Variants in LRRK2 observed in about 807,000 individuals in gnomAD.
LRRK2 encodes leucine rich repeat kinase 2, also known as leucine-rich repeat serine/threonine-protein kinase 2.
Under a neutral mutation model 302.6 loss-of-function variants are expected in LRRK2, and 203 were observed. The ratio of observed to expected loss-of-function variants is 0.67; its 90% CI spans 0.60 to 0.75. The LOEUF is 0.75. Among genes scored for constraint, LRRK2 ranks in the 30% least tolerant of loss-of-function variants. The pLI, the probability that LRRK2 is intolerant of heterozygous loss-of-function variation, is 0.00. For synonymous variants in LRRK2, 1,066 were observed against 1,031.9 expected (o/e 1.03, Z -0.63); for missense variants, 2,830 against 2,951.0 (o/e 0.96, Z 0.95).
chr12:40,281,774 C>T (rs2136645080), intron 18 of LRRK2, among the ~76,000 whole-genome samples: 1 of 152,258 alleles, frequency 6.6e-6, no homozygotes, highest in Admixed American at 6.5e-5. Flanking sequence ...TTGGATCCTC[C>T]AAGGAAAATT....
At chr12:40,272,519 G>A (rs1943274913) in intron 14 of LRRK2, among the ~76,000 whole-genome samples, 1 of 152,102 alleles carries the variant, frequency 6.6e-6, no homozygotes, top group Non-Finnish European at 1.5e-5. Context: ...AGAATGTCTG[G>A]CACTGAGTGA....
At chr12:40,294,772 G>A (rs1244278481) in intron 21 of LRRK2, 73 bp from the exon 22 acceptor site, 1 of 863,876 alleles carries the variant, frequency 1.2e-6, no homozygotes, top group Admixed American at 2.1e-5. Context: ...AAAATTTCAT[G>A]GTTCCTTCCT....
At chr12:40,265,449 GT>G (rs1431282522) in intron 14 of LRRK2, among the ~76,000 whole-genome samples, 2 of 152,144 alleles carry the variant, frequency 1.3e-5, no homozygotes, top group African/African-American at 4.8e-5. Context: ...AGAATTCAGG[GT>G]GGGCTTACTA....
intron 33 of LRRK2, chr12:40,316,250 G>A (rs1945215360): frequency 6.2e-6 from 5 of 804,770 alleles, no homozygotes; most frequent in Non-Finnish European, 7.5e-6. Context: ...AGGCAGCCTT[G>A]AATAATTGTT....
intron 42 of LRRK2, among the ~76,000 whole-genome samples, chr12:40,347,330 C>T (rs193294826): frequency 2.0e-5 from 3 of 152,230 alleles, no homozygotes; most frequent in African/African-American, 7.2e-5. Context: ...TCATAAGAAT[C>T]GGTAAATGTG....
Position 40,323,341 on chromosome 12 carries a change from G to C in LRRK2, c.5656+35G>C, listed in dbSNP as rs17484342. ...TTTGTTAATTTGAGAATAAAAATTAGGATGTAATTTTCTCCTTATAATTTA... is the reference window on the plus strand; with the variant it reads ...TTTGTTAATTTGAGAATAAAAATTACGATGTAATTTTCTCCTTATAATTTA... On this transcript the variant is annotated intron_variant, in intron 38 of 50. Coordinates refer to ENST00000298910, the MANE Select transcript of LRRK2 (RefSeq NM_198578.4). 1.9e-6 allele frequency: 3 copies of C among 1,556,752 alleles called. No homozygotes were observed. In the East Asian group the frequency reaches 6.8e-5, roughly 35 times the overall value.
intron 13 of LRRK2, among the ~76,000 whole-genome samples, chr12:40,261,859 T>C (rs1255583133): frequency 1.3e-5 from 2 of 152,184 alleles, no homozygotes; most frequent in African/African-American, 4.8e-5. Flanking sequence ...ATATTGCATC[T>C]AGTGCATATA....
chr12:40,277,000 G>A (rs1469417317), intron 16 of LRRK2, among the ~76,000 whole-genome samples: 2 of 151,844 alleles, frequency 1.3e-5, no homozygotes, highest in African/African-American at 4.8e-5. Context: ...GTGCATGCAC[G>A]GGTAATTTTA....
Position 40,341,091 on chromosome 12 carries a change from G to A in LRRK2, c.6109+637G>A, listed in dbSNP as rs1402181272. 2.0e-5 allele frequency among the ~76,000 whole-genome samples: 3 copies of A among 152,284 alleles called. No individual in the cohort carries two copies. In the South Asian group the frequency reaches 6.2e-4, roughly 32 times the overall value. ...CCTCCCTTTCTTAGTTCCCAATCCTGAAAAGCAGTTATGGGGCCAGTGCTC... is the reference window on the plus strand; with the variant it reads ...CCTCCCTTTCTTAGTTCCCAATCCTAAAAAGCAGTTATGGGGCCAGTGCTC... On this transcript the variant is annotated intron_variant, in intron 41 of 50. Coordinates refer to ENST00000298910, the MANE Select transcript of LRRK2 (RefSeq NM_198578.4).
chr12:40,304,438 A>C (rs1047378579), intron 27 of LRRK2: 3 of 368,628 alleles, frequency 8.1e-6, no homozygotes, highest in Non-Finnish European at 1.5e-5. Context: ...TGCTATACTT[A>C]TCAGAACCTT....
chr12:40,226,827 C>T (rs1209078958), intron 2 of LRRK2, among the ~76,000 whole-genome samples: 1 of 152,128 alleles, frequency 6.6e-6, no homozygotes, highest in Non-Finnish European at 1.5e-5. Flanking sequence ...GCTCTGCACC[C>T]ACGTCATCCC....
At chr12:40,249,168 C>T (rs949293457) in intron 7 of LRRK2, among the ~76,000 whole-genome samples, 2 of 151,932 alleles carry the variant, frequency 1.3e-5, no homozygotes, top group African/African-American at 4.8e-5. Flanking sequence ...ACAAATAAGC[C>T]AAATAGAAGA....
intron 16 of LRRK2, among the ~76,000 whole-genome samples, chr12:40,275,612 ATTT>A (rs754582238): frequency 7.0e-6 from 1 of 142,030 alleles, no homozygotes; most frequent in African/African-American, 2.6e-5. Flanking sequence ...CTACAAAGGA[ATTT>A]TTTTTTTTTT....
chr12:40,283,153 G>A (rs990751721), intron 18 of LRRK2, among the ~76,000 whole-genome samples: 5 of 152,068 alleles, frequency 3.3e-5, no homozygotes, highest in Non-Finnish European at 5.9e-5. Flanking sequence ...CCTTGCTAGC[G>A]TCTAGCTCCT....
chr12:40,264,503 C>T (rs1379048343), intron 14 of LRRK2, among the ~76,000 whole-genome samples: 1 of 152,184 alleles, frequency 6.6e-6, no homozygotes, highest in Non-Finnish European at 1.5e-5. Flanking sequence ...CCTGTAATCC[C>T]AGCTACTCAG....
chr12:40,225,714 A>G, intron 2 of LRRK2, 74 bp downstream of exon 2: 7 of 1,336,752 alleles, frequency 5.2e-6, no homozygotes, highest in Non-Finnish European at 7.4e-6. Flanking sequence ...CAATGTTAAT[A>G]TAGCCGAGAG....
intron 44 of LRRK2, among the ~76,000 whole-genome samples, chr12:40,352,885 T>G (rs936655023): frequency 3.3e-5 from 5 of 152,332 alleles, no homozygotes; most frequent in African/African-American, 1.2e-4. Context: ...AGCAACAATC[T>G]GATTTCTGTA....
intron 31 of LRRK2, among the ~76,000 whole-genome samples, chr12:40,311,062 CT>C (rs1344285932): frequency 6.6e-6 from 1 of 151,964 alleles, no homozygotes; most frequent in African/African-American, 2.4e-5. Context: ...TTCCTCTTTT[CT>C]TTTGGAATTC....
chr12:40,304,883 T>G (rs895727291), intron 27 of LRRK2: 2 of 152,078 alleles, frequency 1.3e-5, no homozygotes, highest in Non-Finnish European at 2.9e-5. Context: ...TATGAATATA[T>G]ACATAATTAT....
Sources: gnomAD v4.1 joint callset for allele counts (sites outside exome capture counted in the v4.1 genomes callset) on GRCh38, gnomAD v4.1.1 for gene constraint, MANE v1.5 for transcripts, NCBI Gene and HGNC (gene_info 2026-07-23, HGNC 2026-07-21) for gene names.